The following FAM222A variants were observed in gnomAD, a reference collection of about 807,000 sequenced individuals.
FAM222A encodes the protein family with sequence similarity 222 member A.
A neutral mutation model predicts 25.8 loss-of-function variants in FAM222A; 7 were observed. The ratio of observed to expected loss-of-function variants is 0.27; its 90% CI spans 0.15 to 0.51. FAM222A has a LOEUF of 0.51. Among genes scored for constraint, FAM222A ranks in the 20% least tolerant of loss-of-function variants. The probability of loss-of-function intolerance (pLI) is 0.97; values close to 1 mark genes in which losing one functional copy is unlikely to be tolerated. For missense variants in FAM222A, 573 were observed against 640.5 expected (o/e 0.89, Z 1.14); for synonymous variants, 294 against 298.8 (o/e 0.98, Z 0.17).
chr12:109,747,910 TA>T (rs1888447646), intron 2 of FAM222A, among the ~76,000 whole-genome samples: 1 of 152,266 alleles, frequency 6.6e-6, no homozygotes, highest in African/African-American at 2.4e-5. Flanking sequence ...TTATTTTATT[TA>T]ATAGTTGGCT....
At chr12:109,760,304 G>A (rs1005563019) in intron 2 of FAM222A, among the ~76,000 whole-genome samples, 3 of 152,192 alleles carry the variant, frequency 2.0e-5, no homozygotes, top group South Asian at 2.1e-4. Flanking sequence ...TGGTCAGCAC[G>A]GGGAGGCAGT....
At chr12:109,757,108 A>AACTC (rs1335272159) in intron 2 of FAM222A, among the ~76,000 whole-genome samples, 1 of 152,166 alleles carries the variant, frequency 6.6e-6, no homozygotes, top group Non-Finnish European at 1.5e-5. Context: ...TAAATTATGA[A>AACTC]ACTCTGACAA....
At chr12:109,732,615 G>A (rs936143487) in intron 1 of FAM222A, among the ~76,000 whole-genome samples, 5 of 152,228 alleles carry the variant, frequency 3.3e-5, no homozygotes, top group Admixed American at 2.0e-4. Flanking sequence ...TGTCACAGCC[G>A]TTTTTCTGCG....
chr12:109,715,590 C>T (rs1441637512), intron 1 of FAM222A, among the ~76,000 whole-genome samples: 1 of 152,136 alleles, frequency 6.6e-6, no homozygotes, highest in Non-Finnish European at 1.5e-5. Flanking sequence ...GCGGACTCCC[C>T]CCACCCCTAC....
intron 1 of FAM222A, among the ~76,000 whole-genome samples, chr12:109,715,484 G>T (rs1045288894): frequency 6.6e-6 from 1 of 152,192 alleles, no homozygotes; most frequent in African/African-American, 2.4e-5. Flanking sequence ...TGGGGTTGCC[G>T]TGGCAACACC....
chr12:109,769,447 G>A lies in FAM222A; in HGVS notation c.*159G>A. Reference sequence around the variant, plus strand: ...GGCTGCCGCCTCGCTGTGGCCGGATGGAGGGTGGCAGGGCAACCTCACATA... The same window carrying A: ...GGCTGCCGCCTCGCTGTGGCCGGATAGAGGGTGGCAGGGCAACCTCACATA... On this transcript the variant is annotated 3_prime_UTR_variant, in exon 3 of 3. Transcript: ENST00000538780. 2.1e-6 allele frequency: 2 copies of A among 955,726 alleles called. No homozygotes were observed. Among genetic ancestry groups the A allele is most frequent in the Non-Finnish European group, 3.0e-6 (2 of 661,700 alleles). The allele number at this position is 955,726 out of a possible 1,614,324, so 59.2% of individuals were successfully genotyped here. A position where few individuals can be genotyped will look rare whatever the true frequency, so the allele number is the denominator to read the frequency against.
At chr12:109,724,042 G>A (rs756665706) in intron 1 of FAM222A, among the ~76,000 whole-genome samples, 1 of 152,230 alleles carries the variant, frequency 6.6e-6, no homozygotes, top group Non-Finnish European at 1.5e-5. Context: ...CCATCCCCGG[G>A]GGCTTCCTGC....
At chr12:109,736,580 C>T (rs185163449) in intron 1 of FAM222A, among the ~76,000 whole-genome samples, 65 of 152,300 alleles carry the variant, frequency 4.3e-4, no homozygotes, top group African/African-American at 1.5e-3. Flanking sequence ...AACATGGCCA[C>T]CGCTTGTCTC....
At chr12:109,748,330 CTTTCTTTTTTTTTT>C (rs1328652083) in intron 2 of FAM222A, among the ~76,000 whole-genome samples, 11 of 40,428 alleles carry the variant, frequency 2.7e-4, no homozygotes, top group African/African-American at 3.4e-4. Flanking sequence ...CTTTGGTTTT[CTTTCTTTTTTTTTT>C]TTTTTTTTTT....
intron 1 of FAM222A, among the ~76,000 whole-genome samples, chr12:109,735,163 C>T (rs184616122): frequency 1.6e-4 from 25 of 152,340 alleles, no homozygotes; most frequent in Admixed American, 7.2e-4. Context: ...TGGGCCACTG[C>T]GTCTTCTAAA....
Position 109,713,918 on chromosome 12 carries a change from C to A in FAM222A, c.-1026C>A, listed in dbSNP as rs1887583328. ...CGGCCGGGGGAGGCGGACAGCCGGG[C>A]CCGGCGCCTGTGGGGCGCGGCGCGC... On this transcript the variant is annotated 5_prime_UTR_variant, in exon 1 of 3. Transcript: ENST00000538780. Among the ~76,000 whole-genome samples the A allele has an allele frequency of 6.8e-6, 1 of 146,574 alleles. No individual in the cohort carries two copies. The highest frequency in any genetic ancestry group is 2.1e-4 in the South Asian group (1 of 4,808).
chr12:109,714,027 C>G lies in FAM222A; in HGVS notation c.-917C>G, dbSNP rs1251790852. On this transcript the variant is annotated 5_prime_UTR_variant, in exon 1 of 3. Transcript: ENST00000538780. The surrounding 1 kb of genome is among the most constrained non-coding windows in gnomAD (Gnocchi z 4.2). ...GGCCCCGGGAGCCCCCGCGCGCCGCCCGGGGCCATGGGCGCGTGAGAGCCC... is the reference window on the plus strand; with the variant it reads ...GGCCCCGGGAGCCCCCGCGCGCCGCGCGGGGCCATGGGCGCGTGAGAGCCC... Among the ~76,000 whole-genome samples the G allele has an allele frequency of 3.4e-5, 5 of 148,772 alleles. No individual in the cohort carries two copies. Among genetic ancestry groups the G allele is most frequent in the African/African-American group, 1.2e-4 (5 of 40,944 alleles).
chr12:109,716,714 A>G (rs1279926108), intron 1 of FAM222A, among the ~76,000 whole-genome samples: 1 of 152,202 alleles, frequency 6.6e-6, no homozygotes, highest in Admixed American at 6.5e-5. Context: ...CCCTCTGCCG[A>G]GTATTTACAC....
Position 109,768,908 on chromosome 12 carries a change from T to G in FAM222A, c.979T>G (p.Ser327Ala). 1 of 1,581,630 alleles carries G rather than the reference T, an allele frequency of 6.3e-7. No individual in the cohort carries two copies. The highest frequency in any genetic ancestry group is 8.5e-7 in the Non-Finnish European group (1 of 1,171,564). The change falls in exon 3 of 3, where the codon TCA becomes GCA. Residue 327 changes from serine (S) to alanine (A), a missense_variant. This residue lies in a region of FAM222A where 412 missense variants were observed against 407.0 expected (regional missense o/e 1.01). Transcript: ENST00000538780. ...CCGGGCATACGAGCGGGCCAGCGGGTCACCCCTCAACTGTGGCGTGGGGCT... is the reference window on the plus strand; with the variant it reads ...CCGGGCATACGAGCGGGCCAGCGGGGCACCCCTCAACTGTGGCGTGGGGCT... ...GGRAYERASG[S>A]PLNCGVGLPT...
At chr12:109,767,783 T>C (rs1215458065) in intron 2 of FAM222A, among the ~76,000 whole-genome samples, 3 of 152,172 alleles carry the variant, frequency 2.0e-5, no homozygotes, top group African/African-American at 7.2e-5. Flanking sequence ...ATGTCCTGTC[T>C]CCTGGCCTGG....
Position 109,726,515 on chromosome 12 carries a change from C to T in FAM222A, c.-47+11618C>T, listed in dbSNP as rs1592779333. On this transcript the variant is annotated intron_variant, in intron 1 of 2. Transcript: ENST00000538780. ...GTAACCATTGTACCATCCTCCCGCA[C>T]CCACCCCGGGCAGCCATGGGGCTGA... Among the ~76,000 whole-genome samples, 4 of 152,356 alleles carry T rather than the reference C, an allele frequency of 2.6e-5. No homozygotes were observed. In the East Asian group the frequency reaches 5.8e-4, roughly 22 times the overall value.
At chr12:109,766,388 G>T (rs2136388190) in intron 2 of FAM222A, among the ~76,000 whole-genome samples, 1 of 152,368 alleles carries the variant, frequency 6.6e-6, no homozygotes, top group African/African-American at 2.4e-5. Context: ...AGTGGGGACA[G>T]TCAGCCTGTA....
intron 1 of FAM222A, among the ~76,000 whole-genome samples, chr12:109,737,570 C>A (rs1399236083): frequency 6.8e-6 from 1 of 147,744 alleles, no homozygotes; most frequent in Non-Finnish European, 1.5e-5. Context: ...ACAGTACCTC[C>A]CCAGCCCCCA....
rs143876985 is a variant in FAM222A at position 109,768,217 on chromosome 12, C to G, written c.288C>G (p.Thr96=). The part of the protein sequence containing the change: ...GQRYSPYPQH[T]AGYQGLLAIV... ...GCTACAGCCCCTACCCACAGCACAC[C>G]GCTGGCTACCAGGGCCTTCTGGCCA... Residue 96 remains threonine, a synonymous_variant, in exon 3 of 3, where the codon ACC becomes ACG. Transcript: ENST00000538780. 6 of 1,612,282 alleles carry G rather than the reference C, an allele frequency of 3.7e-6. No homozygotes were observed. In the African/African-American group the frequency reaches 6.7e-5, roughly 18 times the overall value.
Sources: allele counts gnomAD v4.1 joint callset (sites outside exome capture counted in the v4.1 genomes callset), GRCh38; gene constraint gnomAD v4.1.1; regional missense constraint gnomAD v4.1.1; non-coding constraint Gnocchi (gnomAD v3.1); transcripts MANE v1.5; gene names NCBI Gene and HGNC (gene_info 2026-07-23, HGNC 2026-07-21).